DDC: variants seen among roughly 807,000 people sequenced by gnomAD.
The protein encoded by DDC is dopa decarboxylase, also known as aromatic-L-amino-acid decarboxylase.
In DDC, 43 loss-of-function variants were observed where a neutral mutation model predicts 60.0. The ratio of observed to expected loss-of-function variants is 0.72; its 90% CI spans 0.56 to 0.92. DDC has a LOEUF of 0.92. Among genes scored for constraint, DDC ranks in the 40% least tolerant of loss-of-function variants. The pLI, the probability that DDC is intolerant of heterozygous loss-of-function variation, is 0.00. For missense variants in DDC, 573 were observed against 620.2 expected (o/e 0.92, Z 0.81); for synonymous variants, 232 against 234.6 (o/e 0.99, Z 0.10).
intron 2 of DDC, chr7:50,542,592 C>T (rs893550880): frequency 3.3e-5 from 5 of 152,394 alleles, no homozygotes; most frequent in African/African-American, 1.2e-4. Context: ...GTGCATTTCC[C>T]AGCTCAGCTC....
At chr7:50,462,358 T>C (rs2042297196) in intron 14 of DDC, among the ~76,000 whole-genome samples, 1 of 151,662 alleles carries the variant, frequency 6.6e-6, no homozygotes, top group Non-Finnish European at 1.5e-5. Flanking sequence ...TAATTTTAAA[T>C]ACCCTCCATG....
At chr7:50,541,614 G>A (rs913967490) in intron 2 of DDC, among the ~76,000 whole-genome samples, 1 of 152,136 alleles carries the variant, frequency 6.6e-6, no homozygotes, top group Non-Finnish European at 1.5e-5. Context: ...CTGGGAAGAC[G>A]GCTGTCTGTA....
At chr7:50,488,999 G>C (rs1585171296) in intron 9 of DDC, among the ~76,000 whole-genome samples, 1 of 149,870 alleles carries the variant, frequency 6.7e-6, no homozygotes, top group East Asian at 1.9e-4. Flanking sequence ...GGTTTTCTTT[G>C]TTTGCTTGTT....
At chr7:50,494,303 C>T (rs11575433) in intron 9 of DDC, among the ~76,000 whole-genome samples, 11 of 152,230 alleles carry the variant, frequency 7.2e-5, no homozygotes, top group Non-Finnish European at 1.2e-4. Flanking sequence ...GTCAGGAGAT[C>T]GAGACCATCC....
At chr7:50,490,090 C>T (rs1344574239) in intron 9 of DDC, among the ~76,000 whole-genome samples, 1 of 152,090 alleles carries the variant, frequency 6.6e-6, no homozygotes, top group Admixed American at 6.5e-5. Flanking sequence ...CTGTGTGATC[C>T]TGTTCTGTCA....
intron 14 of DDC, among the ~76,000 whole-genome samples, chr7:50,459,995 T>C (rs1187325847): frequency 5.4e-4 from 65 of 121,072 alleles, no homozygotes; most frequent in East Asian, 1.4e-3. Context: ...TCTGCCCGGC[T>C]GCCCCTACTG....
chr7:50,499,537 A>G (rs963977687), intron 7 of DDC, among the ~76,000 whole-genome samples: 9 of 152,082 alleles, frequency 5.9e-5, no homozygotes, highest in African/African-American at 1.7e-4. Flanking sequence ...TGACAGCCTC[A>G]TGTTACTCAC....
rs534094832 is a variant in DDC, at chr7:50,503,983, G to A, written c.781+10C>T. On this transcript the variant is annotated intron_variant, in intron 7 of 14. Coordinates refer to ENST00000444124, the MANE Select transcript of DDC (RefSeq NM_001082971.2). ...CATTTTCCAAAAAGAAAATGGAATC[G>A]GATACTTACAGATAGGACCGACTTC... 1.1e-5 allele frequency: 17 copies of A among 1,604,970 alleles called. No homozygotes were observed. The highest frequency in any genetic ancestry group is 8.9e-5 in the East Asian group (4 of 44,838).
intron 1 of DDC, among the ~76,000 whole-genome samples, chr7:50,559,499 C>T (rs566150594): frequency 3.8e-4 from 57 of 151,550 alleles, no homozygotes; most frequent in Admixed American, 3.2e-3. Context: ...ATGATCTCAG[C>T]TCACTGCAAC....
intron 4 of DDC, among the ~76,000 whole-genome samples, chr7:50,533,786 T>A (rs1281022562): frequency 6.6e-6 from 1 of 152,186 alleles, no homozygotes; most frequent in Non-Finnish European, 1.5e-5. Context: ...ATCTCCACAC[T>A]GCACAGAGCT....
intron 1 of DDC, among the ~76,000 whole-genome samples, chr7:50,561,494 A>G (rs2045343752): frequency 1.3e-5 from 2 of 152,250 alleles, no homozygotes; most frequent in Admixed American, 1.3e-4. Context: ...TCAGGGTCCC[A>G]AGCCCACTTC....
chr7:50,559,675 G>A (rs554091019), intron 1 of DDC, among the ~76,000 whole-genome samples: 2 of 152,090 alleles, frequency 1.3e-5, no homozygotes, highest in African/African-American at 2.4e-5. Flanking sequence ...TGATCCACTC[G>A]CCTCAGCCTC....
chr7:50,564,892 A>T (rs1470027398), intron 1 of DDC, among the ~76,000 whole-genome samples: 1 of 152,228 alleles, frequency 6.6e-6, no homozygotes, highest in Non-Finnish European at 1.5e-5. Flanking sequence ...ATGGGATTTA[A>T]TCCTCACAAG....
At chr7:50,492,632 C>A (rs547136755) in intron 9 of DDC, 3 of 1,124,944 alleles carry the variant, frequency 2.7e-6, no homozygotes, top group East Asian at 4.8e-5. Flanking sequence ...TTCCAGACAC[C>A]GCAGGCCTCT....
intron 1 of DDC, among the ~76,000 whole-genome samples, chr7:50,555,022 G>A (rs537496437): frequency 6.6e-6 from 1 of 152,228 alleles, no homozygotes; most frequent in African/African-American, 2.4e-5. Flanking sequence ...AACCTCTATG[G>A]CCAATATGAT....
chr7:50,550,032 T>G (rs1231414627), intron 1 of DDC, among the ~76,000 whole-genome samples: 3 of 152,198 alleles, frequency 2.0e-5, no homozygotes, highest in Admixed American at 2.0e-4. Context: ...GAGAACTGAC[T>G]CCAATTCTGA....
intron 13 of DDC, among the ~76,000 whole-genome samples, chr7:50,466,067 G>A (rs767505702): frequency 1.3e-5 from 2 of 152,254 alleles, no homozygotes; most frequent in Non-Finnish European, 2.9e-5. Flanking sequence ...AGTAGGTGGA[G>A]TGGCAGTGCC....
chr7:50,470,709 C>A (rs902471541), intron 11 of DDC, among the ~76,000 whole-genome samples: 1 of 152,188 alleles, frequency 6.6e-6, no homozygotes, highest in East Asian at 1.9e-4. Flanking sequence ...CAAGACCCCT[C>A]ATCAGAAGAC....
At chr7:50,469,254 TTAAAAAAAAA>T (rs1386113017) in intron 12 of DDC, among the ~76,000 whole-genome samples, 22 of 124,808 alleles carry the variant, frequency 1.8e-4, no homozygotes, top group African/African-American at 6.6e-4. Context: ...AATTGTTATT[TTAAAAAAAAA>T]AAAAAAAAAA....
Sources: gnomAD v4.1 joint callset for allele counts (sites outside exome capture counted in the v4.1 genomes callset) on GRCh38, gnomAD v4.1.1 for gene constraint, MANE v1.5 for transcripts, NCBI Gene and HGNC (gene_info 2026-07-23, HGNC 2026-07-21) for gene names.